TP63: variants seen among roughly 807,000 people sequenced by gnomAD.
TP63 encodes tumor protein p63, also known as tumor protein 63.
Under a neutral mutation model 82.8 loss-of-function variants are expected in TP63, and 17 were observed. The observed-to-expected ratio is 0.21, with a 90% CI of 0.14 to 0.31. TP63 has a LOEUF of 0.31. TP63 is among the 10% of genes least tolerant of loss of function. The pLI, the probability that TP63 is intolerant of heterozygous loss-of-function variation, is 1.00. For missense variants in TP63, 648 were observed against 895.3 expected (o/e 0.72, Z 3.52); for synonymous variants, 330 against 321.7 (o/e 1.03, Z -0.28).
chr3:189,677,339 TATAA>T (rs200961122), intron 1 of TP63, among the ~76,000 whole-genome samples: 2,357 of 146,706 alleles, frequency 0.016, 26 homozygotes, highest in Middle Eastern at 0.054. Context: ...TATTTATATA[TATAA>T]ATATATATAA....
At position 189,761,130 on chromosome 3, in the gene TP63, C is replaced by T. The variant is rs1722537521; in HGVS notation, c.324+22356C>T. ...GTTGCCACATAGGTCTCTGACATTC[C>T]CTGGAAACATTTTCCCCATTGTCTT... On this transcript the variant is annotated intron_variant, in intron 3 of 13. Transcript: ENST00000264731. Among the ~76,000 whole-genome samples, 3 of 152,140 alleles carry T rather than the reference C, an allele frequency of 2.0e-5. No individual in the cohort carries two copies. The South Asian group carries it at 6.2e-4, about 31-fold the overall frequency.
chr3:189,710,345 C>T (rs956052186), intron 1 of TP63, among the ~76,000 whole-genome samples: 7 of 152,144 alleles, frequency 4.6e-5, no homozygotes, highest in African/African-American at 1.7e-4. Flanking sequence ...GATTTGAACT[C>T]AGCTACAAAA....
At chr3:189,759,007 A>G (rs1722379400) in intron 3 of TP63, among the ~76,000 whole-genome samples, 1 of 152,250 alleles carries the variant, frequency 6.6e-6, no homozygotes, top group Non-Finnish European at 1.5e-5. Context: ...TAATGATAAC[A>G]TAATGAAATA....
At chr3:189,631,145 C>T (rs1159207020), upstream of TP63, 14 of 802,574 alleles carry the variant, frequency 1.7e-5, no homozygotes, top group Admixed American at 6.9e-4. Flanking sequence ...AGCATCCAAT[C>T]ACGACAGAGA....
chr3:189,879,886 G>A (rs1035664430), intron 10 of TP63, among the ~76,000 whole-genome samples: 2 of 152,118 alleles, frequency 1.3e-5, no homozygotes, highest in African/African-American at 2.4e-5. Context: ...AAAATCTTGA[G>A]AAGTCTCAGT....
intron 4 of TP63, among the ~76,000 whole-genome samples, chr3:189,812,147 A>G (rs1186566869): frequency 2.6e-5 from 4 of 152,012 alleles, no homozygotes; most frequent in African/African-American, 2.4e-5. Flanking sequence ...TTTTATGTCA[A>G]GTTTTCTTTT....
chr3:189,701,522 CATATATAT>C (rs35031313), intron 1 of TP63, among the ~76,000 whole-genome samples: 1,542 of 136,742 alleles, frequency 0.011, 32 homozygotes, highest in African/African-American at 0.038. Context: ...GATATATATA[CATATATAT>C]ATATATATAT....
At chr3:189,889,515 T>TGC (rs1720802675) in intron 12 of TP63, 31 bp downstream of exon 12, 2 of 1,614,018 alleles carry the variant, frequency 1.2e-6, no homozygotes, top group South Asian at 2.2e-5. Context: ...CCTGGGGGCC[T>TGC]GCCCTAAGCA....
chr3:189,789,368 G>A (rs573808509), intron 3 of TP63, among the ~76,000 whole-genome samples: 9 of 151,826 alleles, frequency 5.9e-5, no homozygotes, highest in Non-Finnish European at 1.3e-4. Context: ...GTGGTGGTGC[G>A]GTTTGTTTGG....
intron 3 of TP63, among the ~76,000 whole-genome samples, chr3:189,752,626 T>C (rs1410546432): frequency 6.6e-6 from 1 of 152,184 alleles, no homozygotes; most frequent in African/African-American, 2.4e-5. Context: ...GGTCAGCTTA[T>C]CGGTTTCCCT....
intron 1 of TP63, among the ~76,000 whole-genome samples, chr3:189,697,264 G>A (rs1373131433): frequency 7.5e-6 from 1 of 132,654 alleles, no homozygotes; most frequent in African/African-American, 2.8e-5. Context: ...ATGGACACTC[G>A]ATTGTTTCAG....
intron 10 of TP63, among the ~76,000 whole-genome samples, chr3:189,875,947 G>T (rs117473470): frequency 1.3e-5 from 2 of 151,964 alleles, no homozygotes; most frequent in Non-Finnish European, 2.9e-5. Context: ...GATGAGGCTG[G>T]AATAGTTGAC....
At chr3:189,821,194 G>A (rs1318574696) in intron 4 of TP63, among the ~76,000 whole-genome samples, 1 of 152,208 alleles carries the variant, frequency 6.6e-6, no homozygotes, top group Non-Finnish European at 1.5e-5. Context: ...GTGCTGTGAT[G>A]TAATTGAAGC....
chr3:189,811,581 A>G (rs1303930563), intron 4 of TP63, among the ~76,000 whole-genome samples: 2 of 152,220 alleles, frequency 1.3e-5, no homozygotes, highest in African/African-American at 4.8e-5. Flanking sequence ...CCTGCATCTT[A>G]GCTTCTAATT....
At position 189,793,241 on chromosome 3, in the gene TP63, A is replaced by ACAATAAAT. The variant is rs571566915; in HGVS notation, c.325-15028_325-15021dup. Among the ~76,000 whole-genome samples, 636 of 152,138 alleles carry ACAATAAAT rather than the reference A, an allele frequency of 4.2e-3. 1 individual carries two copies. Among genetic ancestry groups the ACAATAAAT allele is most frequent in the African/African-American group, 0.015 (614 of 41,534 alleles). ...CTACTGGAAAAAAAAAGATTTTGAG[A>ACAATAAAT]CAATAAATCACTTATCCTTTACCTC... On this transcript the variant is annotated intron_variant, in intron 3 of 13. Coordinates refer to ENST00000264731, the MANE Select transcript of TP63 (RefSeq NM_003722.5).
intron 4 of TP63, among the ~76,000 whole-genome samples, chr3:189,828,195 C>G (rs558298614): frequency 6.6e-6 from 1 of 150,906 alleles, no homozygotes; most frequent in Non-Finnish European, 1.5e-5. Flanking sequence ...GAGCTGAGAT[C>G]GTGCCGCTGT....
the TP63 span, among the ~76,000 whole-genome samples, chr3:189,608,109 G>A: frequency 1.3e-5 from 2 of 152,104 alleles, no homozygotes; most frequent in Admixed American, 6.5e-5. Flanking sequence ...AGTAATTTAT[G>A]GAGGTAATCA....
intron 4 of TP63, among the ~76,000 whole-genome samples, chr3:189,822,282 G>A (rs1728875683): frequency 6.6e-6 from 1 of 152,122 alleles, no homozygotes; most frequent in African/African-American, 2.4e-5. Flanking sequence ...AATCATAGCA[G>A]GAAATCTACT....
chr3:189,700,915 T>G (rs1420294310), intron 1 of TP63, among the ~76,000 whole-genome samples: 1 of 152,154 alleles, frequency 6.6e-6, no homozygotes, highest in African/African-American at 2.4e-5. Context: ...CATATTAATA[T>G]CACCCAAATC....
Sources: allele counts gnomAD v4.1 joint callset (sites outside exome capture counted in the v4.1 genomes callset), GRCh38; gene constraint gnomAD v4.1.1; transcripts MANE v1.5; gene names NCBI Gene and HGNC (gene_info 2026-07-23, HGNC 2026-07-21).